SCAF11: variants seen among roughly 807,000 people sequenced by gnomAD.
The protein encoded by SCAF11 is SR-related CTD associated factor 11.
In SCAF11, 47 loss-of-function variants were observed where a neutral mutation model predicts 140.5. The ratio of observed to expected loss-of-function variants is 0.33; its 90% CI spans 0.26 to 0.43. The LOEUF (loss-of-function observed/expected upper bound fraction) is 0.43, where lower values mean the gene tolerates loss of function less well. Among genes scored for constraint, SCAF11 ranks in the 20% least tolerant of loss-of-function variants. The pLI is 1.00. For missense variants in SCAF11, 1,645 were observed against 1,705.1 expected (o/e 0.96, Z 0.62); for synonymous variants, 557 against 579.4 (o/e 0.96, Z 0.55).
At chr12:45,946,308 GT>G (rs904158094) in intron 5 of SCAF11, among the ~76,000 whole-genome samples, 2 of 152,152 alleles carry the variant, frequency 1.3e-5, no homozygotes, top group Non-Finnish European at 2.9e-5. Flanking sequence ...TTGTCTGTGT[GT>G]TGGAAGACCA....
rs1264612740 is a variant in SCAF11, at chr12:45,922,200, A to G, written c.4246-6T>C. 6.3e-7 allele frequency: 1 copy of G among 1,594,384 alleles called. No individual in the cohort carries two copies. Among genetic ancestry groups the G allele is most frequent in the Admixed American group, 1.9e-5 (1 of 54,046 alleles). On this transcript the variant is annotated splice_polypyrimidine_tract_variant and splice_region_variant and intron_variant, in intron 14 of 14. Coordinates refer to ENST00000369367, the MANE Select transcript of SCAF11 (RefSeq NM_004719.3). ...CCACTCTTACTATGACAAACCTAAG[A>G]AAAAAGGGGTGGGGGGTAAACTTTT... is the stretch of plus-strand genomic sequence containing the variant.
Position 45,987,016 on chromosome 12 carries a change from T to A in SCAF11, c.-22+3337A>T, listed in dbSNP as rs559724328. Reference sequence around the variant, plus strand: ...GAGGCATTCTTAGCTCCTTCTATATTAAGACAAATGATAGTTTCAAGGTCA... The same window carrying A: ...GAGGCATTCTTAGCTCCTTCTATATAAAGACAAATGATAGTTTCAAGGTCA... On this transcript the variant is annotated intron_variant, in intron 1 of 14. Transcript: ENST00000369367. Among the ~76,000 whole-genome samples the A allele has an allele frequency of 5.3e-5, 8 of 152,268 alleles. No homozygotes were observed. The South Asian group carries it at 1.7e-3, about 32-fold the overall frequency.
intron 3 of SCAF11, chr12:45,956,129 C>G (rs1178374990): frequency 1.5e-5 from 11 of 716,536 alleles, no homozygotes; most frequent in Middle Eastern, 2.3e-4. Flanking sequence ...TCCTCGATTT[C>G]TAATTTCTCG....
intron 6 of SCAF11, among the ~76,000 whole-genome samples, chr12:45,944,206 A>T (rs1388399291): frequency 6.6e-6 from 1 of 152,228 alleles, no homozygotes; most frequent in Non-Finnish European, 1.5e-5. Flanking sequence ...ATAAAAAAAG[A>T]ATGCTAATCT....
At chr12:45,987,224 G>A (rs1020603849) in intron 1 of SCAF11, among the ~76,000 whole-genome samples, 2 of 152,272 alleles carry the variant, frequency 1.3e-5, no homozygotes, top group African/African-American at 4.8e-5. Flanking sequence ...GGGAGACAGC[G>A]AGATGCTATC....
chr12:45,961,345 C>T, intron 3 of SCAF11: 1 of 715,542 alleles, frequency 1.4e-6, no homozygotes, highest in Non-Finnish European at 2.6e-6. Flanking sequence ...AAACAAAAAG[C>T]AGACAGAAGG....
In SCAF11 at chr12:45,933,184, C is replaced by CT; in HGVS notation, c.680dup (p.Arg228GlufsTer3). 6.2e-7 allele frequency: 1 copy of CT among 1,611,894 alleles called. No individual in the cohort carries two copies. ...ACCATGACAATTCCAGTTCATGTCT[C>CT]TTCTGCCTAATCAATGCACTGATTT... is the stretch of plus-strand genomic sequence containing the variant. On this transcript the variant is annotated frameshift_variant, in exon 9 of 15. Coordinates refer to ENST00000369367, the MANE Select transcript of SCAF11 (RefSeq NM_004719.3). LOFTEE classifies it high-confidence loss of function.
Position 45,920,209 on chromosome 12 carries a change from TAAC to T in SCAF11, c.*1836_*1838del, listed in dbSNP as rs1944674741. 1.3e-5 allele frequency: 2 copies of T among 152,176 alleles called. No homozygotes were observed. Among genetic ancestry groups the T allele is most frequent in the Non-Finnish European group, 1.5e-5 (1 of 68,014 alleles). 9.4% of individuals were successfully genotyped at this position (152,176 alleles called of 1,614,324 possible). The stretch of plus-strand genomic sequence containing the variant: ...GGAAATATTTTTATGATTACACTCA[TAAC>T]AACAAAGCTTATGAACTAGCACAAT... On this transcript the variant is annotated 3_prime_UTR_variant, in exon 15 of 15. Transcript: ENST00000369367.
intron 1 of SCAF11, among the ~76,000 whole-genome samples, chr12:45,987,650 G>T (rs1946489134): frequency 2.0e-5 from 3 of 152,198 alleles, no homozygotes; most frequent in Admixed American, 6.5e-5. Flanking sequence ...ACAGCGTAGG[G>T]GAAAGGAGAT....
At chr12:45,972,916 A>AGT (rs1946125111) in intron 1 of SCAF11, among the ~76,000 whole-genome samples, 1 of 83,838 alleles carries the variant, frequency 1.2e-5, no homozygotes, top group African/African-American at 6.4e-5. Context: ...ATAGATATAT[A>AGT]TATAGATATA....
Position 45,928,768 on chromosome 12 carries a change from T to A in SCAF11, c.933A>T (p.Arg311Ser). 6.2e-7 allele frequency: 1 copy of A among 1,613,948 alleles called. No individual in the cohort carries two copies. Among genetic ancestry groups the A allele is most frequent in the South Asian group, 1.1e-5 (1 of 91,076 alleles). Residue 311 changes from arginine (R) to serine (S), a missense_variant, in exon 11 of 15, where the codon AGA becomes AGT. Physicochemically the swap from Arg to Ser is moderately radical, Grantham distance 110 (BLOSUM62 -1). Coordinates refer to ENST00000369367, the MANE Select transcript of SCAF11 (RefSeq NM_004719.3). Reference protein sequence around the residue: ...TSGTSNTRGSRRKPAMTTPTR... With the variant: ...TSGTSNTRGSSRKPAMTTPTR... ...TAGGAGTTGTCATTGCAGGTTTTCG[T>A]CTTGATCCTCTGGTATTTGATGTAC... is the stretch of plus-strand genomic sequence containing the variant.
At chr12:45,942,311 G>GC (rs1317097984) in intron 6 of SCAF11, among the ~76,000 whole-genome samples, 1 of 152,086 alleles carries the variant, frequency 6.6e-6, no homozygotes, top group Non-Finnish European at 1.5e-5. Context: ...TATCTCCTTG[G>GC]CCCAAGCCAC....
intron 3 of SCAF11, among the ~76,000 whole-genome samples, chr12:45,953,124 T>G (rs908270926): frequency 3.9e-5 from 6 of 152,196 alleles, no homozygotes; most frequent in Non-Finnish European, 5.9e-5. Flanking sequence ...CTATATTAAA[T>G]TGGTTCAGAC....
chr12:45,964,719 C>T (rs1945904085), intron 1 of SCAF11, among the ~76,000 whole-genome samples: 1 of 151,716 alleles, frequency 6.6e-6, no homozygotes, highest in Admixed American at 6.6e-5. Flanking sequence ...GCAACAAAGC[C>T]TAAATGATAT....
intron 1 of SCAF11, among the ~76,000 whole-genome samples, chr12:45,971,706 C>T (rs1302749045): frequency 2.0e-5 from 3 of 152,008 alleles, no homozygotes; most frequent in Non-Finnish European, 4.4e-5. Flanking sequence ...GGAAACTGCT[C>T]CTTTTTTTTT....
At position 45,934,374 on chromosome 12, in the gene SCAF11, C is replaced by G. The variant is rs1383762404; in HGVS notation, c.522+73G>C. ...TAAATATTTTGATACACCTGAAGCA[C>G]TGGTTATTTATGGACTAAATAACCC... On this transcript the variant is annotated intron_variant, in intron 7 of 14. Coordinates refer to ENST00000369367, the MANE Select transcript of SCAF11 (RefSeq NM_004719.3). The G allele has an allele frequency of 2.9e-6, 4 of 1,396,272 alleles. No individual in the cohort carries two copies. The Admixed American group carries it at 7.6e-5, about 26-fold the overall frequency. 86.5% of individuals were successfully genotyped at this position (1,396,272 alleles called of 1,614,324 possible). A position where few individuals can be genotyped will look rare whatever the true frequency, so the allele number is the denominator to read the frequency against.
chr12:45,989,975 T>TCCC (rs35425343), intron 1 of SCAF11, among the ~76,000 whole-genome samples: 1 of 137,988 alleles, frequency 7.2e-6, no homozygotes, highest in African/African-American at 2.7e-5. Context: ...TGGAGCCCCT[T>TCCC]CCCCCCCCCC....
chr12:45,972,882 A>C (rs1236220378), intron 1 of SCAF11, among the ~76,000 whole-genome samples: 2 of 40,408 alleles, frequency 4.9e-5, no homozygotes, highest in African/African-American at 3.6e-4. Context: ...ATATATATAG[A>C]TATATATATA....
chr12:45,966,018 T>C (rs1163929679), intron 1 of SCAF11, among the ~76,000 whole-genome samples: 10 of 152,108 alleles, frequency 6.6e-5, no homozygotes, highest in Admixed American at 2.6e-4. Flanking sequence ...ACAATAAAAG[T>C]TGGATGAGGA....
Sources: gnomAD v4.1 joint callset for allele counts (sites outside exome capture counted in the v4.1 genomes callset) on GRCh38, gnomAD v4.1.1 for gene constraint, MANE v1.5 for transcripts, NCBI Gene and HGNC (gene_info 2026-07-23, HGNC 2026-07-21) for gene names.